The following EXOC4 variants were observed in gnomAD, a reference collection of about 807,000 sequenced individuals.
EXOC4 encodes SEC8-like 1.
Under a neutral mutation model 107.2 loss-of-function variants are expected in EXOC4, and 71 were observed. The observed-to-expected ratio is 0.66, with a 90% CI of 0.55 to 0.81. The LOEUF (loss-of-function observed/expected upper bound fraction) is 0.81, where lower values mean the gene tolerates loss of function less well. Ranked by LOEUF, EXOC4 falls within the 30% of genes least tolerant of loss-of-function variation. EXOC4 has a pLI of 0.00. For missense variants in EXOC4, 1,108 were observed against 1,189.6 expected, an observed-to-expected ratio of 0.93 and a Z score of 1.01; for synonymous variants, 456 against 441.2, an observed-to-expected ratio of 1.03 and a Z score of -0.42.
intron 7 of EXOC4, among the ~76,000 whole-genome samples, chr7:133,473,941 C>A (rs984726197): frequency 1.3e-5 from 2 of 152,104 alleles, no homozygotes; most frequent in Non-Finnish European, 2.9e-5. Flanking sequence ...ACCTCGTGAT[C>A]TGCCTGCCTC....
At chr7:133,288,032 C>CA (rs1213317728) in intron 2 of EXOC4, among the ~76,000 whole-genome samples, 1 of 152,072 alleles carries the variant, frequency 6.6e-6, no homozygotes, top group Admixed American at 6.5e-5. Context: ...AATTTTACCT[C>CA]AAACAGAAGC....
intron 17 of EXOC4, among the ~76,000 whole-genome samples, chr7:134,022,196 T>C (rs926768339): frequency 1.3e-5 from 2 of 152,264 alleles, no homozygotes; most frequent in South Asian, 4.1e-4. Context: ...GTTTCTTTTG[T>C]TAACTTTAAT....
chr7:133,341,177 A>C (rs1014195952), intron 5 of EXOC4, among the ~76,000 whole-genome samples: 2 of 152,110 alleles, frequency 1.3e-5, no homozygotes, highest in Admixed American at 6.5e-5. Flanking sequence ...AACGCTATGA[A>C]ATTTGCTCTT....
chr7:133,960,195 A>C (rs938471955), intron 14 of EXOC4, among the ~76,000 whole-genome samples: 2 of 150,812 alleles, frequency 1.3e-5, no homozygotes, highest in Non-Finnish European at 3.0e-5. Context: ...GGATTTATTG[A>C]AAAAAAAAAT....
chr7:133,713,923 C>A (rs896955718), intron 10 of EXOC4, among the ~76,000 whole-genome samples: 1 of 152,018 alleles, frequency 6.6e-6, no homozygotes, highest in Non-Finnish European at 1.5e-5. Context: ...TTCTTTATAG[C>A]AGTATGAAAA....
chr7:133,771,629 T>C (rs1796245821), intron 10 of EXOC4: 1 of 152,004 alleles, frequency 6.6e-6, no homozygotes, highest in Non-Finnish European at 1.5e-5. Flanking sequence ...TTGTAAGTAA[T>C]TTTCATGGTT....
At chr7:133,484,016 C>A in intron 9 of EXOC4, 15 of 1,613,834 alleles carry the variant, frequency 9.3e-6, no homozygotes, top group Non-Finnish European at 1.2e-5. Flanking sequence ...TCGGTTCATA[C>A]GTCAACTTTT....
chr7:134,100,379 A>C, the EXOC4 span, among the ~76,000 whole-genome samples: 1 of 128,238 alleles, frequency 7.8e-6, no homozygotes, highest in African/African-American at 2.7e-5. Flanking sequence ...CTGTGAGACA[A>C]TATATTTCTG....
chr7:133,271,204 C>T (rs1203053918), intron 1 of EXOC4, among the ~76,000 whole-genome samples: 1 of 152,130 alleles, frequency 6.6e-6, no homozygotes, highest in Non-Finnish European at 1.5e-5. Flanking sequence ...AGGTATGAAC[C>T]ACTGCGCCTG....
intron 13 of EXOC4, among the ~76,000 whole-genome samples, chr7:133,927,500 A>G (rs1232249712): frequency 6.6e-6 from 1 of 152,236 alleles, no homozygotes; most frequent in African/African-American, 2.4e-5. Context: ...AACTATAGCT[A>G]TTGAAGAATC....
intron 17 of EXOC4, among the ~76,000 whole-genome samples, chr7:134,048,337 G>A (rs1402123772): frequency 6.6e-6 from 1 of 152,192 alleles, no homozygotes; most frequent in Non-Finnish European, 1.5e-5. Context: ...TAGTCCCCAG[G>A]TAGGAAGGGG....
chr7:133,791,568 G>A (rs1006815570), intron 10 of EXOC4, among the ~76,000 whole-genome samples: 1 of 152,172 alleles, frequency 6.6e-6, no homozygotes. Flanking sequence ...ATCCATTACT[G>A]TTTAATAAGC....
chr7:133,264,081 G>C (rs1793653571), intron 1 of EXOC4, among the ~76,000 whole-genome samples: 1 of 152,136 alleles, frequency 6.6e-6, no homozygotes, highest in South Asian at 2.1e-4. Flanking sequence ...TAGAAAAAGA[G>C]GTAGAGTTGG....
intron 13 of EXOC4, among the ~76,000 whole-genome samples, chr7:133,924,200 A>G (rs759933876): frequency 7.2e-5 from 11 of 152,230 alleles, no homozygotes; most frequent in Non-Finnish European, 1.5e-4. Flanking sequence ...AAGCATACTC[A>G]TCTAACTACA....
rs1441149248 is a variant in EXOC4, at chr7:133,668,076, C to G, written c.1514+37935C>G. ...GCCTCTCTCCTTCATGCTCTACAGA[C>G]AAATATAAAGTGACTCAGTGTTAAA... On this transcript the variant is annotated intron_variant, in intron 10 of 17. Transcript: ENST00000253861. 2.0e-5 allele frequency among the ~76,000 whole-genome samples: 3 copies of G among 152,100 alleles called. 1 individual carries two copies. The highest frequency in any genetic ancestry group is 4.1e-4 in the South Asian group (2 of 4,826).
intron 9 of EXOC4, among the ~76,000 whole-genome samples, chr7:133,485,070 A>G (rs1242062061): frequency 1.9e-5 from 2 of 105,828 alleles, no homozygotes; most frequent in East Asian, 5.4e-4. Flanking sequence ...ACACAGCGAG[A>G]CTCCGTCTCA....
chr7:133,823,836 ATATATAT>A (rs1233616440), intron 11 of EXOC4, among the ~76,000 whole-genome samples: 1 of 11,682 alleles, frequency 8.6e-5, no homozygotes, highest in African/African-American at 2.8e-4. Context: ...ATATATATAT[ATATATAT>A]TATATATATA....
chr7:133,717,179 G>A (rs1471095266), intron 10 of EXOC4, among the ~76,000 whole-genome samples: 1 of 152,128 alleles, frequency 6.6e-6, no homozygotes, highest in Non-Finnish European at 1.5e-5. Flanking sequence ...CCTTTAAGGT[G>A]GCTACTGCCA....
intron 7 of EXOC4, among the ~76,000 whole-genome samples, chr7:133,380,722 A>T (rs1026134421): frequency 1.3e-5 from 2 of 152,164 alleles, no homozygotes; most frequent in Non-Finnish European, 2.9e-5. Flanking sequence ...TCTCTCAGAA[A>T]CTTGTAGTCT....
Sources: gnomAD v4.1 joint callset for allele counts (sites outside exome capture counted in the v4.1 genomes callset) on GRCh38, gnomAD v4.1.1 for gene constraint, MANE v1.5 for transcripts, NCBI Gene and HGNC (gene_info 2026-07-23, HGNC 2026-07-21) for gene names.